Variants in YME1L1 observed in about 807,000 individuals in gnomAD.
YME1L1 encodes the protein ATP-dependent zinc metalloprotease YME1L1.
In YME1L1, 39 loss-of-function variants were observed where a neutral mutation model predicts 90.4. The observed-to-expected ratio is 0.43, with a 90% CI of 0.33 to 0.56. YME1L1 has a LOEUF of 0.56. YME1L1 is among the 20% of genes least tolerant of loss of function. YME1L1 has a pLI of 0.03. For synonymous variants in YME1L1, 284 were observed against 287.3 expected (o/e 0.99, Z 0.12); for missense variants, 617 against 868.4 (o/e 0.71, Z 3.64).
At chr10:27,133,094 C>T (rs1357739320) in intron 7 of YME1L1, among the ~76,000 whole-genome samples, 4 of 152,238 alleles carry the variant, frequency 2.6e-5, no homozygotes, top group Non-Finnish European at 4.4e-5. Context: ...AACACATTGC[C>T]TTAAAGTTAG....
At chr10:27,149,064 A>C (rs1334135935) in intron 1 of YME1L1, 24 bp from the exon 2 acceptor site, 1 of 1,574,426 alleles carries the variant, frequency 6.4e-7, no homozygotes, top group Non-Finnish European at 8.6e-7. Flanking sequence ...AAAGTTAAAA[A>C]CTAAGTAGTT....
chr10:27,115,265 A>AG (rs2056800827), intron 17 of YME1L1, among the ~76,000 whole-genome samples: 1 of 151,654 alleles, frequency 6.6e-6, no homozygotes, highest in Non-Finnish European at 1.5e-5. Context: ...AAACAAAGAA[A>AG]CAAAAAAACA....
intron 9 of YME1L1, among the ~76,000 whole-genome samples, chr10:27,125,115 C>A (rs1455282751): frequency 1.3e-5 from 2 of 152,154 alleles, no homozygotes; most frequent in Non-Finnish European, 2.9e-5. Context: ...CATCCTTTAA[C>A]TCAGCAATTC....
At chr10:27,126,842 T>G (rs1447002620) in intron 8 of YME1L1, 56 bp from the exon 9 acceptor site, 1 of 960,998 alleles carries the variant, frequency 1.0e-6, no homozygotes, top group African/African-American at 1.7e-5. Context: ...TTGGTTAGAT[T>G]ATCAAGGCTT....
intron 18 of YME1L1, among the ~76,000 whole-genome samples, chr10:27,113,386 T>A (rs187472119): frequency 6.6e-6 from 1 of 150,954 alleles, no homozygotes; most frequent in South Asian, 2.1e-4. Context: ...AATACTGAAA[T>A]TGGGCCGGGC....
chr10:27,121,240 A>G (rs2056864386), intron 12 of YME1L1, 146 bp downstream of exon 12: 1 of 599,534 alleles, frequency 1.7e-6, no homozygotes, highest in African/African-American at 1.8e-5. Flanking sequence ...CCGCTAACCC[A>G]ATTTGTCTCT....
chr10:27,133,748 TAGA>T lies in YME1L1; in HGVS notation c.775+288_775+290del, dbSNP rs996315903. ...AAACTGAATTTGTTTATCTTTGAAATAGAAGACTATTTCAGCTTGTATTGCCAT... is the reference window on the plus strand; with the variant it reads ...AAACTGAATTTGTTTATCTTTGAAATAGACTATTTCAGCTTGTATTGCCAT... On this transcript the variant is annotated intron_variant, in intron 7 of 18. Coordinates refer to ENST00000376016, the MANE Select transcript of YME1L1 (RefSeq NM_014263.4). Among the ~76,000 whole-genome samples the T allele has an allele frequency of 9.7e-4, 147 of 152,294 alleles. 2 individuals carry two copies. The highest frequency in any genetic ancestry group is 3.3e-3 in the African/African-American group (137 of 41,578).
chr10:27,140,438 T>C (rs2057075272), intron 4 of YME1L1, among the ~76,000 whole-genome samples: 2 of 152,230 alleles, frequency 1.3e-5, no homozygotes, highest in Non-Finnish European at 2.9e-5. Flanking sequence ...TCGTGAGACA[T>C]TTAGAAAAGG....
At position 27,120,445 on chromosome 10, in the gene YME1L1, C is replaced by G. The variant is rs1436682133; in HGVS notation, c.1401G>C (p.Lys467Asn). 2 of 1,611,622 alleles carry G rather than the reference C, an allele frequency of 1.2e-6. No individual in the cohort carries two copies. Among genetic ancestry groups the G allele is most frequent in the African/African-American group, 1.3e-5 (1 of 74,862 alleles). ...EILKWYLNKI[K>N]FDQSVDPEII... ...TGTTTTGATACTTACATTGATCAAA[C>G]TTTATTTTATTGAGATACCATTTCA... Residue 467 changes from lysine (K) to asparagine (N), a missense_variant, in exon 13 of 19, where the codon AAG becomes AAC. Lys to Asn is a moderately conservative substitution (Grantham distance 94). This residue lies in a region of YME1L1 where 212 missense variants were observed against 330.0 expected (regional missense o/e 0.64). Coordinates refer to ENST00000376016, the MANE Select transcript of YME1L1 (RefSeq NM_014263.4).
intron 8 of YME1L1, 22 bp from the exon 9 acceptor site, chr10:27,126,808 A>G (rs781319678): frequency 6.9e-7 from 1 of 1,446,072 alleles, no homozygotes; most frequent in South Asian, 1.3e-5. Flanking sequence ...CAATTTTCCA[A>G]ATAACTTTAG....
chr10:27,135,333 C>A (rs184693197), intron 5 of YME1L1, among the ~76,000 whole-genome samples: 174 of 152,202 alleles, frequency 1.1e-3, no homozygotes, highest in Non-Finnish European at 2.2e-3. Flanking sequence ...TACTAAGCAC[C>A]GTTCATATAC....
At chr10:27,129,116 C>CAA (rs2056952169) in intron 8 of YME1L1, 3 of 118,592 alleles carry the variant, frequency 2.5e-5, no homozygotes, top group Admixed American at 1.8e-4. Flanking sequence ...AAAAAAAACT[C>CAA]TCATTCCAAA....
At chr10:27,125,472 A>AAAAC (rs1564459111) in intron 9 of YME1L1, among the ~76,000 whole-genome samples, 1 of 147,980 alleles carries the variant, frequency 6.8e-6, no homozygotes, top group East Asian at 1.9e-4. Flanking sequence ...AAAAAAAAAA[A>AAAAC]AAAAACAATA....
chr10:27,150,957 G>A (rs1279137005), intron 1 of YME1L1, among the ~76,000 whole-genome samples: 3 of 114,398 alleles, frequency 2.6e-5, no homozygotes, highest in Non-Finnish European at 5.0e-5. Flanking sequence ...ATGGAATCTC[G>A]CTTTGTCGCC....
At position 27,119,333 on chromosome 10, in the gene YME1L1, T is replaced by A. The variant is rs1448096606; in HGVS notation, c.1528A>T (p.Met510Leu). ...TCTTTGGAAAACTCCAGCTCCTTCA[T>A]GGTAACCATTTCTTTTCCATCAACA... Reference protein sequence around the residue: ...AAVDGKEMVTMKELEFSKDKI... With the variant: ...AAVDGKEMVTLKELEFSKDKI... Residue 510 changes from methionine (M) to leucine (L), a missense_variant, in exon 14 of 19, where the codon ATG becomes TTG. Physicochemically the swap from Met to Leu is conservative, Grantham distance 15. Around this residue, in one of 4 missense-constraint regions of YME1L1, gnomAD observed 212 missense variants for 330.0 expected, o/e 0.64. Transcript: ENST00000376016. 1 of 1,612,888 alleles carries A rather than the reference T, an allele frequency of 6.2e-7. No individual in the cohort carries two copies. Among genetic ancestry groups the A allele is most frequent in the East Asian group, 2.2e-5 (1 of 44,852 alleles).
At chr10:27,134,752 T>C in intron 6 of YME1L1, 79 bp downstream of exon 6, 1 of 1,454,616 alleles carries the variant, frequency 6.9e-7, no homozygotes. Flanking sequence ...CTTAGAAAAG[T>C]TACTTAAAAC....
At chr10:27,132,073 G>A in intron 7 of YME1L1, 132 bp from the exon 8 acceptor site, 1 of 642,990 alleles carries the variant, frequency 1.6e-6, no homozygotes, top group Non-Finnish European at 2.6e-6. Context: ...TATCAAATCA[G>A]AGTGAGGAAT....
rs1048237306 is a variant in YME1L1, at chr10:27,154,362, C to T, written c.-152G>A. 3.6e-6 allele frequency: 3 copies of T among 844,364 alleles called. No homozygotes were observed. In the African/African-American group the frequency reaches 5.1e-5, roughly 14 times the overall value. The allele number at this position is 844,364 out of a possible 1,614,324, so 52.3% of individuals were successfully genotyped here. A position where few individuals can be genotyped will look rare whatever the true frequency, so the allele number is the denominator to read the frequency against. On this transcript the variant is annotated 5_prime_UTR_variant, in exon 1 of 19. Transcript: ENST00000376016. The stretch of plus-strand genomic sequence containing the variant: ...AGAAACGGAAAATGGCCTCCCCTTC[C>T]TACAGCTACTGCAACGACAGACAAT...
intron 14 of YME1L1, 55 bp from the exon 15 acceptor site, chr10:27,117,782 C>T: frequency 1.3e-6 from 2 of 1,568,728 alleles, no homozygotes; most frequent in South Asian, 2.3e-5. Flanking sequence ...TTTAAATCAA[C>T]AAAACACATT....
Sources: gnomAD v4.1 joint callset for allele counts (sites outside exome capture counted in the v4.1 genomes callset) on GRCh38, gnomAD v4.1.1 for gene constraint, gnomAD v4.1.1 regional missense constraint, MANE v1.5 for transcripts, NCBI Gene and HGNC (gene_info 2026-07-23, HGNC 2026-07-21) for gene names.